C8orf34: variants seen among roughly 807,000 people sequenced by gnomAD.
C8orf34 encodes the protein chromosome 8 open reading frame 34.
In C8orf34, 65 loss-of-function variants were observed where a neutral mutation model predicts 68.3. The ratio of observed to expected loss-of-function variants is 0.95; its 90% CI spans 0.78 to 1.17. The LOEUF (loss-of-function observed/expected upper bound fraction) is 1.17. Among genes scored for constraint, C8orf34 ranks in the 50% most tolerant of loss-of-function variants. C8orf34 has a pLI of 0.00. For missense variants in C8orf34, 664 were observed against 655.4 expected (o/e 1.01, Z -0.14); for synonymous variants, 244 against 241.2 (o/e 1.01, Z -0.11).
chr8:68,672,342 A>G (rs1210264123), intron 8 of C8orf34, among the ~76,000 whole-genome samples: 1 of 152,204 alleles, frequency 6.6e-6, no homozygotes, highest in Non-Finnish European at 1.5e-5. Flanking sequence ...TTTTAACTTC[A>G]TATCACTGAA....
chr8:68,728,846 T>C (rs1455410428), intron 10 of C8orf34, among the ~76,000 whole-genome samples: 1 of 152,236 alleles, frequency 6.6e-6, no homozygotes, highest in East Asian at 1.9e-4. Context: ...CTGTTTATTG[T>C]TGCTGTAGGA....
intron 7 of C8orf34, among the ~76,000 whole-genome samples, chr8:68,541,392 G>GT (rs1383569064): frequency 9.9e-5 from 15 of 152,054 alleles, no homozygotes; most frequent in African/African-American, 3.6e-4. Flanking sequence ...CTTGAGCCCA[G>GT]GAGGTTGAGG....
chr8:68,737,536 G>T lies in C8orf34; in HGVS notation c.1404+16099G>T, dbSNP rs142750942. Among the ~76,000 whole-genome samples, 527 of 152,034 alleles carry T rather than the reference G, an allele frequency of 3.5e-3. 5 individuals are homozygous for T. The highest frequency in any genetic ancestry group is 0.012 in the African/African-American group (505 of 41,498). ...TGTCTTGAAGAGACCCATCTCATAT[G>T]CAATGCCACCCATACACTCAAAATA... is the stretch of plus-strand genomic sequence containing the variant. On this transcript the variant is annotated intron_variant, in intron 10 of 13. Transcript: ENST00000518698.
chr8:68,424,475 A>G (rs1444868141), intron 1 of C8orf34, among the ~76,000 whole-genome samples: 1 of 152,200 alleles, frequency 6.6e-6, no homozygotes, highest in Non-Finnish European at 1.5e-5. Flanking sequence ...AGAAAAGGAC[A>G]ATCAACAAAA....
At chr8:68,449,066 T>C (rs1186007258) in intron 3 of C8orf34, among the ~76,000 whole-genome samples, 1 of 152,060 alleles carries the variant, frequency 6.6e-6, no homozygotes, top group East Asian at 1.9e-4. Context: ...AAAAATTTAG[T>C]AAGAATATAG....
At chr8:68,711,489 C>T (rs974616644) in intron 9 of C8orf34, among the ~76,000 whole-genome samples, 2 of 151,938 alleles carry the variant, frequency 1.3e-5, no homozygotes, top group African/African-American at 4.8e-5. Flanking sequence ...GAACTTCTGG[C>T]AATCTAGGAC....
rs956914334 is a variant in C8orf34, at chr8:68,750,984, A to C, written c.1405-25415A>C. 5.3e-5 allele frequency among the ~76,000 whole-genome samples: 8 copies of C among 152,160 alleles called. No individual in the cohort carries two copies. The South Asian group carries it at 1.7e-3, about 32-fold the overall frequency. On this transcript the variant is annotated intron_variant, in intron 10 of 13. Transcript: ENST00000518698. ...TAAGAGATATTCTCTTTTACTCTAA[A>C]GCCTGTGGATTTTACACTGTATTTT...
intron 4 of C8orf34, among the ~76,000 whole-genome samples, chr8:68,487,322 C>T (rs1269052577): frequency 2.6e-5 from 4 of 152,058 alleles, no homozygotes; most frequent in African/African-American, 9.7e-5. Flanking sequence ...GAGAGGACAG[C>T]ATTTCAGTAA....
intron 7 of C8orf34, among the ~76,000 whole-genome samples, chr8:68,604,589 G>A (rs1022838123): frequency 1.2e-4 from 18 of 151,982 alleles, no homozygotes; most frequent in African/African-American, 3.4e-4. Context: ...AGATGTGAAG[G>A]CACTATAATG....
chr8:68,534,059 TA>T (rs1032298446), intron 7 of C8orf34: 25 of 983,636 alleles, frequency 2.5e-5, no homozygotes, highest in Non-Finnish European at 2.8e-5. Context: ...AAGTTTTTGT[TA>T]AAAATGAGAT....
chr8:68,713,083 CA>C (rs1821369705), intron 9 of C8orf34, among the ~76,000 whole-genome samples: 1 of 152,000 alleles, frequency 6.6e-6, no homozygotes, highest in African/African-American at 2.4e-5. Context: ...ATTGGGTCAA[CA>C]AGGAAATCAA....
intron 1 of C8orf34, among the ~76,000 whole-genome samples, chr8:68,358,153 G>C (rs1324760792): frequency 1.3e-5 from 2 of 152,000 alleles, no homozygotes. Context: ...ACATCATTTT[G>C]GTACATTATG....
rs1193870961 is a variant in C8orf34, at chr8:68,721,353, A to G, written c.1328-8A>G. ...TATAATTTATTCATTTTTTAAAAAT[A>G]AAAATAGATTCCTTGCCTGGGACTG... On this transcript the variant is annotated splice_region_variant and splice_polypyrimidine_tract_variant and intron_variant, in intron 9 of 13. Transcript: ENST00000518698. 1 of 1,584,322 alleles carries G rather than the reference A, an allele frequency of 6.3e-7. No individual in the cohort carries two copies. Among genetic ancestry groups the G allele is most frequent in the East Asian group, 2.3e-5 (1 of 44,184 alleles).
intron 7 of C8orf34, among the ~76,000 whole-genome samples, chr8:68,631,951 A>G (rs1818702343): frequency 6.6e-6 from 1 of 152,162 alleles, no homozygotes; most frequent in African/African-American, 2.4e-5. Flanking sequence ...CAGTGTGAAA[A>G]AGGGCTAATA....
chr8:68,403,327 T>C (rs1809041416), intron 1 of C8orf34, among the ~76,000 whole-genome samples: 1 of 152,192 alleles, frequency 6.6e-6, no homozygotes, highest in Admixed American at 6.5e-5. Flanking sequence ...CTCCCATCTC[T>C]TGGAAACCTT....
intron 1 of C8orf34, among the ~76,000 whole-genome samples, chr8:68,388,241 G>A (rs1808341517): frequency 6.6e-6 from 1 of 152,098 alleles, no homozygotes; most frequent in African/African-American, 2.4e-5. Flanking sequence ...TTAGGATAAA[G>A]TGCAATTACT....
At chr8:68,588,648 A>G (rs1030019781) in intron 7 of C8orf34, among the ~76,000 whole-genome samples, 2 of 152,194 alleles carry the variant, frequency 1.3e-5, no homozygotes, top group Non-Finnish European at 2.9e-5. Flanking sequence ...CAAAAGTCCA[A>G]TGTGTGGTCA....
chr8:68,347,673 A>G (rs1166617639), intron 1 of C8orf34, among the ~76,000 whole-genome samples: 2 of 152,120 alleles, frequency 1.3e-5, no homozygotes, highest in African/African-American at 2.4e-5. Flanking sequence ...GTGAGATGGT[A>G]TCTCACTGTG....
rs1042216116 is a variant in C8orf34, at chr8:68,419,891, G to A, written c.328-19608G>A. On this transcript the variant is annotated intron_variant, in intron 1 of 13. Coordinates refer to ENST00000518698, the MANE Select transcript of C8orf34 (RefSeq NM_052958.4). ...ATACCTAATGCGAGATGACGAGTTA[G>A]TGGGTGCAGCACACCAGCATGGCAC... is the stretch of plus-strand genomic sequence containing the variant. 7.3e-5 allele frequency among the ~76,000 whole-genome samples: 11 copies of A among 149,812 alleles called. 1 individual carries two copies. The highest frequency in any genetic ancestry group is 2.0e-4 in the African/African-American group (8 of 40,632).
Sources: allele counts gnomAD v4.1 joint callset (sites outside exome capture counted in the v4.1 genomes callset), GRCh38; gene constraint gnomAD v4.1.1; transcripts MANE v1.5; gene names NCBI Gene and HGNC (gene_info 2026-07-23, HGNC 2026-07-21).